The following PARVG variants were observed in gnomAD, a reference collection of about 807,000 sequenced individuals.
PARVG encodes the protein parvin gamma.
In PARVG, 36 loss-of-function variants were observed where a neutral mutation model predicts 44.4. The ratio of observed to expected loss-of-function variants is 0.81; its 90% confidence interval spans 0.62 to 1.07. The LOEUF (loss-of-function observed/expected upper bound fraction) is 1.07, where lower values mean the gene tolerates loss of function less well. PARVG is among the 50% of genes least tolerant of loss of function. The pLI is 0.00. For missense variants in PARVG, 407 were observed against 407.4 expected, an observed-to-expected ratio of 1.00 and a Z score of 0.01; for synonymous variants, 170 against 174.1, an observed-to-expected ratio of 0.98 and a Z score of 0.19.
intron 9 of PARVG, among the ~76,000 whole-genome samples, 175 bp downstream of exon 9, chr22:44,193,998 G>A (rs1332531627): frequency 6.6e-6 from 1 of 152,198 alleles, no homozygotes; most frequent in Non-Finnish European, 1.5e-5. Flanking sequence ...CATCCATGGA[G>A]CTGGCTGCTC....
rs1022493111 is a variant in PARVG at position 44,180,971 on chromosome 22, G to A, written c.-403G>A. On this transcript the variant is annotated 5_prime_UTR_variant, in exon 1 of 14. Transcript: ENST00000444313. ...TCTGAAGTGTTTCTCTATCTACTGT[G>A]CTGAGATCTCTCCTTCTCGAACCCT... 1 of 985,244 alleles carries A rather than the reference G, an allele frequency of 1.0e-6. No homozygotes were observed. The highest frequency in any genetic ancestry group is 1.7e-5 in the African/African-American group (1 of 57,204). The allele number at this position is 985,244 out of a possible 1,614,324, so 61.0% of individuals were successfully genotyped here. A position where few individuals can be genotyped will look rare whatever the true frequency, so the allele number is the denominator to read the frequency against.
intron 11 of PARVG, 58 bp from the exon 12 acceptor site, chr22:44,198,563 C>T (rs1378278082): frequency 7.5e-7 from 1 of 1,327,584 alleles, no homozygotes; most frequent in African/African-American, 1.4e-5. Flanking sequence ...CTGTAAAAGA[C>T]AGAGTGGGCT....
chr22:44,186,373 T>C, intron 4 of PARVG: 1 of 354,060 alleles, frequency 2.8e-6, no homozygotes, highest in Non-Finnish European at 5.7e-6. Flanking sequence ...CTATGGCCAC[T>C]GGACCAGCTC....
chr22:44,182,214 C>T lies in PARVG; in HGVS notation c.-13+297C>T, dbSNP rs370849926. Among the ~76,000 whole-genome samples the T allele has an allele frequency of 1.6e-4, 25 of 152,324 alleles. No homozygotes were observed. The highest frequency in any genetic ancestry group is 5.3e-4 in the African/African-American group (22 of 41,570). Reference sequence around the variant, plus strand: ...GGGGCCAGGAAGGGGCTTGCCCAGGCTGCTGATCCCTTTGGGCAGCATCGA... The same window carrying T: ...GGGGCCAGGAAGGGGCTTGCCCAGGTTGCTGATCCCTTTGGGCAGCATCGA... On this transcript the variant is annotated intron_variant, in intron 2 of 13. Transcript: ENST00000444313. The surrounding 1 kb of genome is among the most constrained non-coding windows in gnomAD (Gnocchi z 4.6).
chr22:44,189,356 C>A, intron 6 of PARVG, 102 bp downstream of exon 6: 2 of 1,495,974 alleles, frequency 1.3e-6, no homozygotes, highest in Non-Finnish European at 1.8e-6. Context: ...CATCCTTCTC[C>A]CAGCAGGGGT....
At chr22:44,191,744 G>A (rs1448620166) in intron 7 of PARVG, among the ~76,000 whole-genome samples, 1 of 152,140 alleles carries the variant, frequency 6.6e-6, no homozygotes, top group Non-Finnish European at 1.5e-5. Flanking sequence ...CTACCAAGCA[G>A]TTGTGTGGCT....
rs897536230 is a variant in PARVG at position 44,173,185 on chromosome 22, G to A, written c.-195G>A. The A allele has an allele frequency of 3.7e-5, 47 of 1,259,284 alleles. No individual in the cohort carries two copies. The Admixed American group carries it at 1.2e-3, about 31-fold the overall frequency. 78.0% of individuals were successfully genotyped at this position (1,259,284 alleles called of 1,614,324 possible). ...AGGAGAAGAGGGCAGCAGAGTCACA[G>A]CTGCAGGTGAGTAATAAAGGCTCAT... is the stretch of plus-strand genomic sequence containing the variant. On this transcript the variant is annotated 5_prime_UTR_variant, in exon 1 of 14. Transcript: ENST00000422871.
Position 44,192,166 on chromosome 22 carries a change from G to T in PARVG, c.560+62G>T. ...GCTCACAGCGGTGGATGGGGGCAGG[G>T]TGGGGGCCAGGGCAGATCTGCCTGA... On this transcript the variant is annotated intron_variant, in intron 8 of 13. Transcript: ENST00000444313. The T allele has an allele frequency of 1.9e-6, 3 of 1,559,338 alleles. No homozygotes were observed. The South Asian group carries it at 3.3e-5, about 17-fold the overall frequency.
At chr22:44,181,216 A>T (rs1474748642) in intron 1 of PARVG, 31 bp downstream of exon 1, 2 of 552,886 alleles carry the variant, frequency 3.6e-6, no homozygotes, top group Admixed American at 1.3e-4. Context: ...GAGACAGACC[A>T]CGCACAGCCT....
rs188505157 is a variant in PARVG at position 44,197,145 on chromosome 22, G to A, written c.711+730G>A. Among the ~76,000 whole-genome samples the A allele has an allele frequency of 3.1e-3, 465 of 152,308 alleles. 2 individuals are homozygous for A. The highest frequency in any genetic ancestry group is 5.5e-3 in the Non-Finnish European group (371 of 68,026). On this transcript the variant is annotated intron_variant, in intron 11 of 13. Transcript: ENST00000444313. ...TGCTGGGGTCTGGGGTGGGGAGGGA[G>A]TCTGGTCCCAGATGGACCAGTTGGC... is the stretch of plus-strand genomic sequence containing the variant.
At chr22:44,186,911 C>T (rs2054480162) in intron 4 of PARVG, 1 of 325,816 alleles carries the variant, frequency 3.1e-6, no homozygotes. Flanking sequence ...GCCCCGACAA[C>T]CTCCTGACAA....
intron 2 of PARVG, 65 bp downstream of exon 2, chr22:44,181,982 A>G (rs1399314260): frequency 1.0e-6 from 1 of 982,594 alleles, no homozygotes; most frequent in Non-Finnish European, 1.2e-6. Context: ...GGGCCCAGAC[A>G]CCACCTGGGA....
chr22:44,180,624 A>G (rs118145922), upstream of PARVG, among the ~76,000 whole-genome samples: 108 of 152,272 alleles, frequency 7.1e-4, 1 homozygote, highest in East Asian at 0.019. Flanking sequence ...CCTCTGTAAT[A>G]TGGGGGTGAT....
In PARVG at chr22:44,206,354, G is replaced by A; in HGVS notation, c.924G>A (p.Val308=). 6.2e-7 allele frequency: 1 copy of A among 1,613,944 alleles called. No individual in the cohort carries two copies. The highest frequency in any genetic ancestry group is 1.1e-5 in the South Asian group (1 of 91,078). ...VNKDAKSTLR[V]LYGLFCKHTQ... ...AGGATGCCAAGAGCACACTGAGGGT[G>A]CTCTATGGTCTGTTCTGCAAGCACA... is the stretch of plus-strand genomic sequence containing the variant. Residue 308 remains valine (V), a synonymous_variant, in exon 14 of 14, where the codon GTG becomes GTA. Coordinates refer to ENST00000444313, the MANE Select transcript of PARVG (RefSeq NM_022141.7).
chr22:44,190,612 C>CT lies in PARVG; in HGVS notation c.450_451insT (p.Gln151SerfsTer35). ...TCCTTGTGGCCCTGGCCAAGCGCTT[C>CT]CAGCCCGACCTCTCCCTCCCAACCA... On this transcript the variant is annotated frameshift_variant, in exon 7 of 14. Transcript: ENST00000444313. LOFTEE classifies it high-confidence loss of function. 6.2e-7 allele frequency: 1 copy of CT among 1,614,188 alleles called. No homozygotes were observed. The highest frequency in any genetic ancestry group is 8.5e-7 in the Non-Finnish European group (1 of 1,180,028).
At chr22:44,175,932 CG>C (rs1318797299), upstream of PARVG, among the ~76,000 whole-genome samples, 1 of 152,136 alleles carries the variant, frequency 6.6e-6, no homozygotes, top group African/African-American at 2.4e-5. Flanking sequence ...TCCTAACAGC[CG>C]GGACATGGTC....
chr22:44,196,862 C>T (rs1601743200), intron 11 of PARVG, among the ~76,000 whole-genome samples: 2 of 152,264 alleles, frequency 1.3e-5, no homozygotes, highest in East Asian at 3.9e-4. Flanking sequence ...AGGAGCCCAG[C>T]CCCTCCCCCG....
At position 44,198,897 on chromosome 22, in the gene PARVG, TCCA is replaced by T. The variant is rs1238414494; in HGVS notation, c.813+176_813+178del. ...ATCCATCCATCCACCTATTCACCTA[TCCA>T]TCCATCTACCCATCCATCCATCTAC... On this transcript the variant is annotated intron_variant, in intron 12 of 13. Transcript: ENST00000444313. Among the ~76,000 whole-genome samples the T allele has an allele frequency of 2.7e-4, 30 of 112,406 alleles. 1 individual carries two copies. Among genetic ancestry groups the T allele is most frequent in the Admixed American group, 2.1e-3 (23 of 10,984 alleles). The allele number at this position is 112,406 out of a possible 152,430, so 73.7% of individuals were successfully genotyped here.
chr22:44,181,407 G>T (rs1045979277), intron 1 of PARVG: 33 of 985,416 alleles, frequency 3.3e-5, no homozygotes, highest in Non-Finnish European at 3.5e-5. Context: ...AGAGGAAGGG[G>T]CCTGGCCCGG....
Sources: allele counts gnomAD v4.1 joint callset (sites outside exome capture counted in the v4.1 genomes callset), GRCh38; gene constraint gnomAD v4.1.1; non-coding constraint Gnocchi (gnomAD v3.1); transcripts MANE v1.5; gene names NCBI Gene and HGNC (gene_info 2026-07-23, HGNC 2026-07-21).